Variants in SND1 observed in about 807,000 individuals in gnomAD.
SND1 encodes the protein staphylococcal nuclease and tudor domain containing 1, also known as staphylococcal nuclease domain-containing protein 1.
SND1 carries 38 observed loss-of-function variants against 121.7 expected under a neutral mutation model. That is an observed-to-expected ratio of 0.31 (90% CI 0.24 to 0.41). The LOEUF is 0.41. SND1 is among the 10% of genes least tolerant of loss of function. SND1 has a pLI of 1.00. For synonymous variants in SND1, 401 were observed against 447.4 expected (o/e 0.90, Z 1.31); for missense variants, 868 against 1,184.6 (o/e 0.73, Z 3.92).
intron 13 of SND1, among the ~76,000 whole-genome samples, chr7:127,892,685 A>AT (rs544328863): frequency 2.6e-5 from 4 of 151,932 alleles, no homozygotes; most frequent in Non-Finnish European, 4.4e-5. Flanking sequence ...AGGTTTTGGC[A>AT]TTTTCTCATA....
chr7:127,826,059 C>G (rs1406732678), intron 11 of SND1, among the ~76,000 whole-genome samples: 1 of 152,078 alleles, frequency 6.6e-6, no homozygotes, highest in Non-Finnish European at 1.5e-5. Context: ...GGCATGGTGG[C>G]AGGTGCCCAT....
intron 10 of SND1, among the ~76,000 whole-genome samples, chr7:127,791,984 A>C (rs1156327569): frequency 6.6e-6 from 1 of 152,232 alleles, no homozygotes; most frequent in African/African-American, 2.4e-5. Flanking sequence ...ATGATTCACT[A>C]TCCATGAGAG....
chr7:127,931,895 GAA>G (rs905887250), intron 15 of SND1, among the ~76,000 whole-genome samples: 3 of 150,928 alleles, frequency 2.0e-5, no homozygotes, highest in Non-Finnish European at 3.0e-5. Context: ...CTACTGCTCA[GAA>G]AAAAAAAGAT....
At chr7:127,989,318 G>A (rs2116914074) in intron 15 of SND1, among the ~76,000 whole-genome samples, 1 of 152,324 alleles carries the variant, frequency 6.6e-6, no homozygotes, top group African/African-American at 2.4e-5. Flanking sequence ...TCCTGGCCTA[G>A]CATTTTATTT....
At chr7:127,689,562 C>T (rs1048476352) in intron 2 of SND1, among the ~76,000 whole-genome samples, 1 of 152,164 alleles carries the variant, frequency 6.6e-6, no homozygotes, top group Non-Finnish European at 1.5e-5. Flanking sequence ...CCCATGTTAA[C>T]AGGACGGTGA....
intron 10 of SND1, among the ~76,000 whole-genome samples, chr7:127,758,105 T>C (rs1797232281): frequency 6.6e-6 from 1 of 152,234 alleles, no homozygotes; most frequent in Admixed American, 6.5e-5. Context: ...GTTAAATTAA[T>C]GTTATTACAT....
intron 10 of SND1, among the ~76,000 whole-genome samples, chr7:127,781,722 G>A (rs1797726882): frequency 2.6e-5 from 4 of 152,032 alleles, no homozygotes; most frequent in Admixed American, 2.6e-4. Context: ...TTATATATTT[G>A]ATAGAGCTTT....
chr7:127,922,197 T>TTTG (rs1800731010), intron 14 of SND1, among the ~76,000 whole-genome samples: 1 of 135,372 alleles, frequency 7.4e-6, no homozygotes, highest in African/African-American at 2.8e-5. Context: ...TTTTTTTTTT[T>TTTG]TTTTTTGTTT....
At chr7:128,073,547 T>A (rs990786451) in intron 16 of SND1, among the ~76,000 whole-genome samples, 2 of 152,318 alleles carry the variant, frequency 1.3e-5, no homozygotes, top group Admixed American at 1.3e-4. Context: ...CTTCTGTCAC[T>A]AGCTCCAGCT....
chr7:127,652,396 G>T lies in SND1; in HGVS notation c.23G>T (p.Gly8Val). 1 of 1,599,072 alleles carries T rather than the reference G, an allele frequency of 6.3e-7. No homozygotes were observed. Among genetic ancestry groups the T allele is most frequent in the South Asian group, 1.1e-5 (1 of 88,456 alleles). ...CACATGGCGTCCTCCGCGCAGAGCGGCGGCTCCTCCGGGGGACCCGCGGTC... is the reference window on the plus strand; with the variant it reads ...CACATGGCGTCCTCCGCGCAGAGCGTCGGCTCCTCCGGGGGACCCGCGGTC... MASSAQS[G>V]GSSGGPAVPT... Residue 8 changes from glycine (G) to valine (V), a missense_variant, in exon 1 of 24, where the codon GGC becomes GTC. Transcript: ENST00000354725.
rs186102791 is a variant in SND1 at position 127,987,654 on chromosome 7, C to T, written c.1670-3293C>T. On this transcript the variant is annotated intron_variant, in intron 15 of 23. Coordinates refer to ENST00000354725, the MANE Select transcript of SND1 (RefSeq NM_014390.4). Reference sequence around the variant, plus strand: ...GCAAGAAAGCCATCAGGACCTGCCCCGTCCTTCCATCCTTCTGTCTTTACA... The same window carrying T: ...GCAAGAAAGCCATCAGGACCTGCCCTGTCCTTCCATCCTTCTGTCTTTACA... Among the ~76,000 whole-genome samples, 93 of 152,300 alleles carry T rather than the reference C, an allele frequency of 6.1e-4. 2 individuals carry two copies. The highest frequency in any genetic ancestry group is 6.8e-3 in the Middle Eastern group (2 of 294).
intron 14 of SND1, among the ~76,000 whole-genome samples, chr7:127,927,107 T>G (rs1305468348): frequency 6.6e-6 from 1 of 152,152 alleles, no homozygotes; most frequent in Non-Finnish European, 1.5e-5. Context: ...TAGGTTTCTC[T>G]CTTTATAAAG....
rs768794514 is a variant in SND1, at chr7:127,665,411, T to A, written c.78+12960T>A. ...ACCGTGTTAGCCAGGATAGTGTCAA[T>A]CTCCTGACCTCGTGATCTGCCCACC... On this transcript the variant is annotated intron_variant, in intron 1 of 23. Transcript: ENST00000354725. 7.5e-4 allele frequency among the ~76,000 whole-genome samples: 114 copies of A among 152,108 alleles called. 3 individuals carry two copies. The highest frequency in any genetic ancestry group is 1.6e-4 in the Non-Finnish European group (11 of 68,028).
chr7:128,079,829 AGGG>A (rs1050222530), intron 17 of SND1, among the ~76,000 whole-genome samples: 3 of 152,232 alleles, frequency 2.0e-5, no homozygotes, highest in African/African-American at 7.2e-5. Context: ...CAAAAACAAC[AGGG>A]ACATAAGTCC....
chr7:127,954,349 C>G (rs911046069), intron 15 of SND1, among the ~76,000 whole-genome samples: 1 of 152,226 alleles, frequency 6.6e-6, no homozygotes, highest in African/African-American at 2.4e-5. Context: ...AACCTCATTA[C>G]TGCAGGAGCC....
chr7:127,981,562 A>C (rs985225248), intron 15 of SND1, among the ~76,000 whole-genome samples: 3 of 152,244 alleles, frequency 2.0e-5, no homozygotes, highest in Admixed American at 2.0e-4. Flanking sequence ...CATTGTTTTC[A>C]GATCTTGCTT....
intron 13 of SND1, among the ~76,000 whole-genome samples, chr7:127,898,368 C>T (rs929194590): frequency 1.3e-5 from 2 of 152,116 alleles, no homozygotes; most frequent in Non-Finnish European, 2.9e-5. Context: ...ATCGGTAATT[C>T]TCAATTACAT....
intron 11 of SND1, among the ~76,000 whole-genome samples, chr7:127,816,399 A>T (rs930188511): frequency 5.3e-5 from 8 of 152,216 alleles, no homozygotes; most frequent in African/African-American, 1.9e-4. Flanking sequence ...CAGTAACTAT[A>T]GGAATCCCAG....
At chr7:127,693,039 GT>G (rs1337871374) in intron 2 of SND1, among the ~76,000 whole-genome samples, 1 of 152,202 alleles carries the variant, frequency 6.6e-6, no homozygotes, top group Non-Finnish European at 1.5e-5. Flanking sequence ...GCTTTTCCAA[GT>G]ATTTAGGAAA....
Sources: allele counts gnomAD v4.1 joint callset (sites outside exome capture counted in the v4.1 genomes callset), GRCh38; gene constraint gnomAD v4.1.1; transcripts MANE v1.5; gene names NCBI Gene and HGNC (gene_info 2026-07-23, HGNC 2026-07-21).